The following PSG9 variants were observed in gnomAD, a reference collection of about 807,000 sequenced individuals.
PSG9 encodes pregnancy-specific beta-1-glycoprotein 9.
In PSG9, 49 loss-of-function variants were observed where a neutral mutation model predicts 41.9. That is an observed-to-expected ratio of 1.17 (90% CI 0.93 to 1.48). PSG9 has a LOEUF of 1.48. Among genes scored for constraint, PSG9 ranks in the 40% most tolerant of loss-of-function variants. The probability of loss-of-function intolerance (pLI) is 0.00; values close to 1 mark genes in which losing one functional copy is unlikely to be tolerated. For synonymous variants in PSG9, 263 were observed against 196.8 expected (o/e 1.34, Z -2.82); for missense variants, 641 against 520.3 (o/e 1.23, Z -2.26).
chr19:43,256,917 T>C (rs1489017789), intron 5 of PSG9, among the ~76,000 whole-genome samples: 3 of 146,846 alleles, frequency 2.0e-5, no homozygotes, highest in African/African-American at 7.8e-5. Flanking sequence ...CAGAGAAGCA[T>C]TACTCACACT....
At chr19:43,258,739 C>G (rs1490679229) in intron 4 of PSG9, 118 bp downstream of exon 4, 2 of 1,476,554 alleles carry the variant, frequency 1.4e-6, no homozygotes, top group African/African-American at 1.5e-5. Context: ...ATGGCCACCT[C>G]GGATGTCTAG....
chr19:43,267,735 G>A (rs755167503), intron 2 of PSG9, 49 bp downstream of exon 2: 16 of 1,610,592 alleles, frequency 9.9e-6, no homozygotes, highest in African/African-American at 1.3e-5. Context: ...GTGTGAAGTA[G>A]AAATGACCCC....
Position 43,262,039 on chromosome 19 carries a change from C to G in PSG9, c.530G>C (p.Ser177Thr). 1 of 1,614,022 alleles carries G rather than the reference C, an allele frequency of 6.2e-7. No individual in the cohort carries two copies. The highest frequency in any genetic ancestry group is 8.5e-7 in the Non-Finnish European group (1 of 1,179,912). ...CTGACCATTCATCCACCATAGGTAG[C>G]TTGCGTCCAGAGTCTCAGGATCACA... is the stretch of plus-strand genomic sequence containing the variant. ...LICDPETLDA[S>T]YLWWMNGQSL... The change falls in exon 3 of 6, where the codon AGC (serine) becomes ACC (threonine). Residue 177 changes from serine (S) to threonine (T), a missense_variant. Ser to Thr is a moderately conservative substitution (Grantham distance 58, BLOSUM62 1). Transcript: ENST00000270077.
At chr19:43,266,509 C>T (rs972230509) in intron 2 of PSG9, among the ~76,000 whole-genome samples, 5 of 152,016 alleles carry the variant, frequency 3.3e-5, no homozygotes, top group Non-Finnish European at 5.9e-5. Flanking sequence ...CCTTGATCCT[C>T]TCATGACAGT....
chr19:43,262,764 C>G (rs1228808421), intron 2 of PSG9, among the ~76,000 whole-genome samples: 1 of 152,088 alleles, frequency 6.6e-6, no homozygotes, highest in Non-Finnish European at 1.5e-5. Flanking sequence ...TAGTGACTGA[C>G]TTGAGCCAGT....
At chr19:43,259,240 T>G (rs1968597058) in intron 3 of PSG9, 105 bp from the exon 4 acceptor site, 1 of 1,493,496 alleles carries the variant, frequency 6.7e-7, no homozygotes, top group Non-Finnish European at 8.9e-7. Flanking sequence ...CCCACCCGAG[T>G]CCTTGAAAGC....
rs200486299 is a variant in PSG9 at position 43,255,117 on chromosome 19, AAAAGAAAG to A, written c.1244-1479_1244-1472del. 1.6e-3 allele frequency among the ~76,000 whole-genome samples: 211 copies of A among 134,674 alleles called. 20 individuals carry two copies. The highest frequency in any genetic ancestry group is 5.9e-3 in the African/African-American group (207 of 34,888). 88.4% of individuals were successfully genotyped at this position (134,674 alleles called of 152,430 possible). On this transcript the variant is annotated intron_variant, in intron 5 of 5. Coordinates refer to ENST00000270077, the MANE Select transcript of PSG9 (RefSeq NM_002784.5). ...TCTCTCTCTCTTCCAAAAAAAAAAA[AAAAGAAAG>A]AAAGAAAGAAAAATGAAGCGATTAC...
rs1968338729 is a variant in PSG9 at position 43,253,408 on chromosome 19, C to G, written c.*201G>C. 2.4e-6 allele frequency: 1 copy of G among 418,872 alleles called. No homozygotes were observed. Among genetic ancestry groups the G allele is most frequent in the African/African-American group, 2.2e-5 (1 of 44,594 alleles). 25.9% of individuals were successfully genotyped at this position (418,872 alleles called of 1,614,324 possible). On this transcript the variant is annotated 3_prime_UTR_variant, in exon 6 of 6. Transcript: ENST00000270077. ...TTCAATTTTTGTTTACAAAAGTATA[C>G]TTTACCAATTGCTGAAGAAAAAAAG...
At position 43,261,984 on chromosome 19, in the gene PSG9, C is replaced by A. The variant is rs767115725; in HGVS notation, c.585G>T (p.Leu195=). Residue 195 remains leucine (L), a synonymous_variant, in exon 3 of 6, where the codon CTG becomes CTT. Coordinates refer to ENST00000270077, the MANE Select transcript of PSG9 (RefSeq NM_002784.5). Reference sequence around the variant, plus strand: ...GATAGAGGGTCCTGTTGGTTTTGGACAGCTGCAACCTGTGAGTCACAGGGA... The same window carrying A: ...GATAGAGGGTCCTGTTGGTTTTGGAAAGCTGCAACCTGTGAGTCACAGGGA... ...QSLPVTHRLQ[L]SKTNRTLYLF... 1.2e-6 allele frequency: 2 copies of A among 1,613,912 alleles called. No homozygotes were observed. The highest frequency in any genetic ancestry group is 1.7e-6 in the Non-Finnish European group (2 of 1,179,942).
chr19:43,259,431 C>A, intron 3 of PSG9: 1 of 442,500 alleles, frequency 2.3e-6, no homozygotes, highest in East Asian at 6.6e-5. Flanking sequence ...CTCCCAGTCC[C>A]TCCCTAATCA....
chr19:43,258,959 T>A lies in PSG9; in HGVS notation c.886A>T (p.Ile296Phe). 1 of 1,590,286 alleles carries A rather than the reference T, an allele frequency of 6.3e-7. No individual in the cohort carries two copies. Among genetic ancestry groups the A allele is most frequent in the Non-Finnish European group, 8.5e-7 (1 of 1,174,368 alleles). Residue 296 changes from isoleucine to phenylalanine, a missense_variant, in exon 4 of 6, where the codon ATT (isoleucine) becomes TTT (phenylalanine). Transcript: ENST00000270077. ...VKRPIENRIL[I>F]LPSVTRNETG... ...TCATTTCTCGTGACACTGGGTAGAA[T>A]GAGTATCCTGTTTTCAATGGGTCGC...
intron 2 of PSG9, among the ~76,000 whole-genome samples, 187 bp downstream of exon 2, chr19:43,267,597 G>A (rs371466839): frequency 2.0e-5 from 3 of 152,078 alleles, no homozygotes; most frequent in East Asian, 1.9e-4. Context: ...GTCTGGATGC[G>A]GGAAAGGAAT....
rs1411908543 is a variant in PSG9 at position 43,254,388 on chromosome 19, T to C, written c.1244-742A>G. Among the ~76,000 whole-genome samples, 2 of 146,446 alleles carry C rather than the reference T, an allele frequency of 1.4e-5. 1 individual carries two copies. The highest frequency in any genetic ancestry group is 1.4e-4 in the Admixed American group (2 of 14,702). ...ATAGCAGCTGACATTGGTTCCGCTGTGTGTGGCATATTGTTTCATTGACTG... is the reference window on the plus strand; with the variant it reads ...ATAGCAGCTGACATTGGTTCCGCTGCGTGTGGCATATTGTTTCATTGACTG... On this transcript the variant is annotated intron_variant, in intron 5 of 5. Coordinates refer to ENST00000270077, the MANE Select transcript of PSG9 (RefSeq NM_002784.5).
At chr19:43,263,169 AG>A (rs766970595) in intron 2 of PSG9, among the ~76,000 whole-genome samples, 12 of 152,152 alleles carry the variant, frequency 7.9e-5, no homozygotes, top group Non-Finnish European at 1.6e-4. Flanking sequence ...AAAGTAGAAT[AG>A]TAGTTTGCAG....
Position 43,260,120 on chromosome 19 carries a change from G to A in PSG9, c.710-985C>T, listed in dbSNP as rs1968641091. ...ATCCCCTGGGTTCGACTACTCTAGGGACCTCATGTAAGTGGATTCCAGAGT... is the reference window on the plus strand; with the variant it reads ...ATCCCCTGGGTTCGACTACTCTAGGAACCTCATGTAAGTGGATTCCAGAGT... On this transcript the variant is annotated intron_variant, in intron 3 of 5. Transcript: ENST00000270077. 2 of 146,426 alleles carry A rather than the reference G, an allele frequency of 1.4e-5. 1 individual carries two copies. The allele number at this position is 146,426 out of a possible 1,614,324, so 9.1% of individuals were successfully genotyped here.
chr19:43,266,125 C>G (rs1472488958), intron 2 of PSG9, among the ~76,000 whole-genome samples: 2 of 151,718 alleles, frequency 1.3e-5, no homozygotes, highest in African/African-American at 2.4e-5. Flanking sequence ...GACACCATGG[C>G]AGTGAGCAGT....
rs977728246 is a variant in PSG9, at chr19:43,257,880, G to A, written c.1243+322C>T. On this transcript the variant is annotated intron_variant, in intron 5 of 5. Transcript: ENST00000270077. ...AAGACGTGGCAGAAGGGGATGTGTC[G>A]GTGACAGCGAGAAGCAACTTGATCT... 5.0e-6 allele frequency: 7 copies of A among 1,389,404 alleles called. 1 individual carries two copies. The highest frequency in any genetic ancestry group is 6.4e-5 in the Admixed American group (2 of 31,342). The allele number at this position is 1,389,404 out of a possible 1,614,324, so 86.1% of individuals were successfully genotyped here.
intron 5 of PSG9, chr19:43,257,980 C>T: frequency 6.8e-7 from 1 of 1,471,630 alleles, no homozygotes; most frequent in South Asian, 1.4e-5. Context: ...AGCCCCCTCC[C>T]TACCTTTTTC....
chr19:43,261,731 C>G, intron 3 of PSG9, 129 bp downstream of exon 3: 2 of 1,606,720 alleles, frequency 1.2e-6, no homozygotes, highest in Non-Finnish European at 8.5e-7. Flanking sequence ...GGCAGAAAGT[C>G]ATGGCCAGCT....
Sources: allele counts gnomAD v4.1 joint callset (sites outside exome capture counted in the v4.1 genomes callset), GRCh38; gene constraint gnomAD v4.1.1; transcripts MANE v1.5; gene names NCBI Gene and HGNC (gene_info 2026-07-23, HGNC 2026-07-21).